The following ESRRG variants were observed in gnomAD, a reference collection of about 807,000 sequenced individuals.
ESRRG encodes the protein estrogen-related receptor gamma.
A neutral mutation model predicts 44.0 loss-of-function variants in ESRRG; 13 were observed. That is an observed-to-expected ratio of 0.30 (90% CI 0.19 to 0.47). ESRRG has a LOEUF of 0.47. Ranked by LOEUF, ESRRG falls within the 20% of genes least tolerant of loss-of-function variation. The pLI is 1.00. For synonymous variants in ESRRG, 215 were observed against 214.6 expected (o/e 1.00, Z -0.02); for missense variants, 395 against 580.6 (o/e 0.68, Z 3.29).
intron 2 of ESRRG, among the ~76,000 whole-genome samples, chr1:216,882,107 G>C (rs760301578): frequency 6.6e-6 from 1 of 152,062 alleles, no homozygotes; most frequent in Non-Finnish European, 1.5e-5. Context: ...TTATGGGCAG[G>C]TGGGCATTAT....
chr1:216,575,538 C>T (rs1255168656), intron 3 of ESRRG, among the ~76,000 whole-genome samples: 9 of 152,080 alleles, frequency 5.9e-5, no homozygotes, highest in African/African-American at 1.7e-4. Context: ...TGCTAGGCAA[C>T]GGCTTAATGA....
At chr1:216,865,284 A>C (rs940567400) in intron 2 of ESRRG, 3 of 151,088 alleles carry the variant, frequency 2.0e-5, no homozygotes, top group Non-Finnish European at 2.9e-5. Flanking sequence ...GTAGCACCTC[A>C]GAACTTCCTT....
rs566054674 is a variant in ESRRG at position 217,077,455 on chromosome 1, C to T, written c.-106+12052G>A. ...TCTGACAGCCATTCACATTGTGCAC[C>T]TAAAAAGCTTTCAAGGGTAATACGA... On this transcript the variant is annotated intron_variant, in intron 1 of 7. Coordinates refer to the ESRRG transcript ENST00000359162. 1.5e-4 allele frequency among the ~76,000 whole-genome samples: 23 copies of T among 152,206 alleles called. No homozygotes were observed. The South Asian group carries it at 4.0e-3, about 26-fold the overall frequency.
intron 1 of ESRRG, among the ~76,000 whole-genome samples, chr1:217,111,842 T>A (rs2092664689): frequency 6.6e-6 from 1 of 152,150 alleles, no homozygotes; most frequent in Non-Finnish European, 1.5e-5. Flanking sequence ...ACAGACTCAC[T>A]CATTGAATAT....
chr1:216,707,521 T>C (rs912248516), intron 1 of ESRRG: 4 of 1,513,586 alleles, frequency 2.6e-6, no homozygotes, highest in Non-Finnish European at 3.5e-6. Flanking sequence ...AGGGTGAAAG[T>C]TGCAATTTGC....
At chr1:216,944,761 C>T (rs142105161) in intron 1 of ESRRG, among the ~76,000 whole-genome samples, 175 of 152,200 alleles carry the variant, frequency 1.1e-3, no homozygotes, top group African/African-American at 4.0e-3. Context: ...AATGGCTTTT[C>T]CAAGTCTTAG....
intron 1 of ESRRG, among the ~76,000 whole-genome samples, chr1:216,968,450 A>C (rs1026260183): frequency 6.6e-6 from 1 of 152,110 alleles, no homozygotes; most frequent in African/African-American, 2.4e-5. Context: ...TTATTTTTGC[A>C]TGTGGATATC....
At chr1:216,573,219 A>G (rs1269113590) in intron 3 of ESRRG, among the ~76,000 whole-genome samples, 2 of 151,982 alleles carry the variant, frequency 1.3e-5, no homozygotes, top group Admixed American at 6.6e-5. Context: ...CTGTAATAAC[A>G]TAATACTTTA....
At chr1:216,656,562 C>A (rs2070649361) in intron 2 of ESRRG, among the ~76,000 whole-genome samples, 1 of 152,142 alleles carries the variant, frequency 6.6e-6, no homozygotes, top group Non-Finnish European at 1.5e-5. Flanking sequence ...ATGTAAAACT[C>A]CAGCCTGGAG....
intron 2 of ESRRG, among the ~76,000 whole-genome samples, chr1:216,877,146 T>A (rs558755417): frequency 2.8e-4 from 43 of 152,180 alleles, no homozygotes; most frequent in African/African-American, 1.0e-3. Context: ...ATTGTACTCA[T>A]CATGTTTCAT....
At chr1:216,568,452 A>G (rs2060079998) in intron 3 of ESRRG, among the ~76,000 whole-genome samples, 2 of 152,178 alleles carry the variant, frequency 1.3e-5, no homozygotes, top group Non-Finnish European at 2.9e-5. Context: ...CATCCTTTTC[A>G]TCAGTCAGCC....
chr1:217,030,467 G>T (rs1369580349), intron 1 of ESRRG, among the ~76,000 whole-genome samples: 1 of 152,164 alleles, frequency 6.6e-6, no homozygotes, highest in African/African-American at 2.4e-5. Context: ...GCCACTGGCA[G>T]GTCTAGAAAT....
chr1:216,578,932 G>T (rs2062194888), intron 3 of ESRRG, among the ~76,000 whole-genome samples: 2 of 152,068 alleles, frequency 1.3e-5, no homozygotes, highest in African/African-American at 4.8e-5. Flanking sequence ...GGAATGTAAG[G>T]TCTCATGGGA....
chr1:216,918,345 C>A (rs2061432916), intron 2 of ESRRG, among the ~76,000 whole-genome samples: 1 of 152,156 alleles, frequency 6.6e-6, no homozygotes, highest in Admixed American at 6.6e-5. Context: ...CCTGCTCTCT[C>A]TTTCAAAGGA....
At chr1:217,060,758 T>C (rs111681202) in intron 1 of ESRRG, among the ~76,000 whole-genome samples, 3 of 149,980 alleles carry the variant, frequency 2.0e-5, no homozygotes, top group African/African-American at 7.3e-5. Context: ...AAGTCAACTT[T>C]GAGTAATAAA....
At chr1:217,067,307 A>G (rs61816732) in intron 1 of ESRRG, among the ~76,000 whole-genome samples, 24,701 of 152,244 alleles carry the variant, frequency 0.16, 2,601 homozygotes, top group Non-Finnish European at 0.24. Flanking sequence ...ATTGATTATT[A>G]AATAATCCAA....
chr1:217,044,218 T>A (rs1313053612), intron 1 of ESRRG, among the ~76,000 whole-genome samples: 1 of 152,110 alleles, frequency 6.6e-6, no homozygotes, highest in Non-Finnish European at 1.5e-5. Context: ...CTGACCACCC[T>A]CCCTTTTGGC....
rs139868735 is a variant in ESRRG, at chr1:216,841,417, A to C, written c.-14+98165T>G. On this transcript the variant is annotated intron_variant, in intron 2 of 7. Coordinates refer to the ESRRG transcript ENST00000359162. ...TCTGGTCAGCATCAGTTTGTACACT[A>C]TCCTTGTCCTGAGGGATTTTACAGG... Among the ~76,000 whole-genome samples the C allele has an allele frequency of 5.9e-4, 90 of 152,278 alleles. 5 individuals are homozygous for C. The highest frequency in any genetic ancestry group is 8.5e-4 in the Admixed American group (13 of 15,286).
intron 1 of ESRRG, among the ~76,000 whole-genome samples, chr1:217,128,437 T>C (rs998856555): frequency 1.4e-4 from 21 of 152,222 alleles, no homozygotes; most frequent in African/African-American, 4.8e-4. Context: ...GTCATCTGAC[T>C]ACTGTGGCCT....
Sources: gnomAD v4.1 joint callset for allele counts (sites outside exome capture counted in the v4.1 genomes callset) on GRCh38, gnomAD v4.1.1 for gene constraint, MANE v1.5 for transcripts, NCBI Gene and HGNC (gene_info 2026-07-23, HGNC 2026-07-21) for gene names.